ADTRP: variants seen among roughly 807,000 people sequenced by gnomAD.
ADTRP encodes the protein androgen-dependent TFPI-regulating protein.
ADTRP carries 20 observed loss-of-function variants against 27.0 expected under a neutral mutation model. That is an observed-to-expected ratio of 0.74 (90% CI 0.52 to 1.08). ADTRP has a LOEUF of 1.08. Among genes scored for constraint, ADTRP ranks in the 50% least tolerant of loss-of-function variants. ADTRP has a pLI of 0.00. For missense variants in ADTRP, 251 were observed against 275.0 expected, an observed-to-expected ratio of 0.91 and a Z score of 0.62; for synonymous variants, 101 against 105.2, an observed-to-expected ratio of 0.96 and a Z score of 0.25.
chr6:11,715,648 CTTTTT>C lies in ADTRP; in HGVS notation c.659-1141_659-1137del, dbSNP rs55815652. On this transcript the variant is annotated intron_variant, in intron 5 of 5. Coordinates refer to ENST00000414691, the MANE Select transcript of ADTRP (RefSeq NM_032744.4). ...CTACTTCTTTCTCTTCTGTTTTTCC[CTTTTT>C]TTTTTTTTTTTTTTTTTGAGACAAG... Among the ~76,000 whole-genome samples the C allele has an allele frequency of 7.7e-3, 937 of 121,070 alleles. 27 individuals are homozygous for C. The highest frequency in any genetic ancestry group is 0.048 in the Admixed American group (567 of 11,826). The allele number at this position is 121,070 out of a possible 152,430, so 79.4% of individuals were successfully genotyped here.
At chr6:11,734,807 A>G (rs1004332507) in intron 4 of ADTRP, among the ~76,000 whole-genome samples, 6 of 152,212 alleles carry the variant, frequency 3.9e-5, no homozygotes, top group African/African-American at 1.2e-4. Context: ...ATTGTCACAC[A>G]TGAATAGCTT....
rs1291493761 is a variant in ADTRP, at chr6:11,778,684, G to A, written c.76C>T (p.Gln26Ter). Residue 26 changes from glutamine to a stop codon, truncating the protein, a stop_gained, in exon 1 of 6, where the codon CAG becomes TAG. Transcript: ENST00000414691. LOFTEE classifies it high-confidence loss of function. ...WYTFLNYYIS[Q>*]EGKDEVKPKI... ...GGTTTCACCTCGTCTTTTCCTTCCT[G>A]TGAGATGTAATAATTGAGGAAAGTA... The A allele has an allele frequency of 1.9e-6, 3 of 1,614,202 alleles. No individual in the cohort carries two copies. The highest frequency in any genetic ancestry group is 2.5e-6 in the Non-Finnish European group (3 of 1,180,032).
At chr6:11,760,812 T>C (rs2113314439) in intron 3 of ADTRP, among the ~76,000 whole-genome samples, 2 of 152,314 alleles carry the variant, frequency 1.3e-5, no homozygotes, top group Middle Eastern at 6.8e-3. Context: ...AGCCTCTGTA[T>C]CCATACTCCT....
intron 3 of ADTRP, among the ~76,000 whole-genome samples, chr6:11,755,815 A>G (rs1346831145): frequency 6.6e-6 from 1 of 152,234 alleles, no homozygotes; most frequent in African/African-American, 2.4e-5. Flanking sequence ...ATGATATCCA[A>G]GTAAATATCT....
intron 5 of ADTRP, among the ~76,000 whole-genome samples, chr6:11,720,122 G>T (rs1021553463): frequency 1.3e-5 from 2 of 152,200 alleles, no homozygotes; most frequent in Non-Finnish European, 2.9e-5. Context: ...GCCCCCGACT[G>T]CCTCCCTAAA....
intron 1 of ADTRP, among the ~76,000 whole-genome samples, chr6:11,769,371 T>C (rs1267274688): frequency 6.6e-6 from 1 of 152,108 alleles, no homozygotes; most frequent in Non-Finnish European, 1.5e-5. Context: ...CTTTGAGCTC[T>C]GGACTCTAGG....
chr6:11,770,169 T>C lies in ADTRP; in HGVS notation c.154-1786A>G, dbSNP rs372863145. On this transcript the variant is annotated intron_variant, in intron 1 of 5. Transcript: ENST00000414691. ...TTGTGGGAGGTCAGAAGAGAGACAA[T>C]TATCTCCAGGTGGGAGAATGAACGA... is the stretch of plus-strand genomic sequence containing the variant. 8 of 1,286,196 alleles carry C rather than the reference T, an allele frequency of 6.2e-6. No individual in the cohort carries two copies. The East Asian group carries it at 1.0e-4, about 16-fold the overall frequency. 79.7% of individuals were successfully genotyped at this position (1,286,196 alleles called of 1,614,324 possible).
intron 3 of ADTRP, among the ~76,000 whole-genome samples, chr6:11,750,836 CTA>C (rs1217378048): frequency 6.6e-6 from 1 of 152,198 alleles, no homozygotes; most frequent in East Asian, 1.9e-4. Context: ...CCTCCCCAAT[CTA>C]TGTTATTTAA....
chr6:11,767,427 C>G (rs1416086047), intron 2 of ADTRP, among the ~76,000 whole-genome samples: 1 of 152,184 alleles, frequency 6.6e-6, no homozygotes, highest in Non-Finnish European at 1.5e-5. Flanking sequence ...AATAGGTATC[C>G]TTGCTTTGTT....
chr6:11,770,507 G>C (rs1273260162), intron 1 of ADTRP, among the ~76,000 whole-genome samples: 1 of 152,116 alleles, frequency 6.6e-6, no homozygotes, highest in Non-Finnish European at 1.5e-5. Flanking sequence ...CCTTGTCTAA[G>C]GGACAGGAAG....
intron 1 of ADTRP, among the ~76,000 whole-genome samples, chr6:11,771,686 G>A (rs923766289): frequency 2.6e-5 from 4 of 152,120 alleles, no homozygotes; most frequent in Non-Finnish European, 2.9e-5. Flanking sequence ...TTCATATGTC[G>A]AAATCCTAAC....
intron 5 of ADTRP, among the ~76,000 whole-genome samples, chr6:11,715,806 CTTTTTTTTTTTTT>C (rs55961408): frequency 0.016 from 1,215 of 77,706 alleles, 6 homozygotes; most frequent in African/African-American, 0.033. Context: ...CCATGCCCAG[CTTTTTTTTTTTTT>C]TTTTTTTTTT....
chr6:11,739,855 T>G (rs998852964), intron 3 of ADTRP, among the ~76,000 whole-genome samples: 5 of 152,188 alleles, frequency 3.3e-5, no homozygotes, highest in Admixed American at 6.5e-5. Context: ...CTCCAGAAAC[T>G]GAATCTTTAA....
At chr6:11,774,283 T>C (rs1315663551) in intron 1 of ADTRP, among the ~76,000 whole-genome samples, 1 of 142,284 alleles carries the variant, frequency 7.0e-6, no homozygotes, top group Non-Finnish European at 1.6e-5. Flanking sequence ...CACTCCAGCC[T>C]GGGGGAACAG....
At chr6:11,762,810 G>T (rs945832444) in intron 3 of ADTRP, among the ~76,000 whole-genome samples, 1 of 152,150 alleles carries the variant, frequency 6.6e-6, no homozygotes, top group South Asian at 2.1e-4. Flanking sequence ...CCTTTGGGGC[G>T]ACCTGAACAA....
At chr6:11,734,470 G>C (rs1333049727) in intron 4 of ADTRP, among the ~76,000 whole-genome samples, 4 of 152,212 alleles carry the variant, frequency 2.6e-5, no homozygotes, top group Non-Finnish European at 5.9e-5. Context: ...TAGAGCACTG[G>C]AGTCTGGGGG....
At chr6:11,747,719 G>T (rs1032041824) in intron 3 of ADTRP, among the ~76,000 whole-genome samples, 3 of 152,140 alleles carry the variant, frequency 2.0e-5, no homozygotes, top group Non-Finnish European at 2.9e-5. Flanking sequence ...ATAGCATCAG[G>T]TATGTCTCCC....
chr6:11,715,480 G>T (rs1033170182), intron 5 of ADTRP, among the ~76,000 whole-genome samples: 1 of 152,036 alleles, frequency 6.6e-6, no homozygotes, highest in African/African-American at 2.4e-5. Flanking sequence ...GGCTATCCTT[G>T]TATTCATCTC....
intron 1 of ADTRP, among the ~76,000 whole-genome samples, chr6:11,777,636 AT>A (rs1224028875): frequency 1.3e-5 from 2 of 152,106 alleles, no homozygotes; most frequent in East Asian, 3.8e-4. Context: ...CAGGGTTCCA[AT>A]TTTTCAGGCC....
Sources: allele counts gnomAD v4.1 joint callset (sites outside exome capture counted in the v4.1 genomes callset), GRCh38; gene constraint gnomAD v4.1.1; transcripts MANE v1.5; gene names NCBI Gene and HGNC (gene_info 2026-07-23, HGNC 2026-07-21).